Variants in SPATS2L observed in about 807,000 individuals in gnomAD.
SPATS2L encodes spermatogenesis associated serine rich 2 like, also known as SPATS2-like protein.
A neutral mutation model predicts 59.6 loss-of-function variants in SPATS2L; 30 were observed. The observed-to-expected ratio is 0.50, with a 90% CI of 0.38 to 0.68. SPATS2L has a LOEUF of 0.68. Among genes scored for constraint, SPATS2L ranks in the 30% least tolerant of loss-of-function variants. SPATS2L has a pLI of 0.00. For missense variants in SPATS2L, 615 were observed against 700.0 expected, an observed-to-expected ratio of 0.88 and a Z score of 1.37; for synonymous variants, 252 against 263.5, an observed-to-expected ratio of 0.96 and a Z score of 0.42.
At chr2:200,353,421 G>A (rs2080806511) in intron 2 of SPATS2L, among the ~76,000 whole-genome samples, 1 of 152,112 alleles carries the variant, frequency 6.6e-6, no homozygotes, top group Admixed American at 6.6e-5. Context: ...ACACACATCT[G>A]CCTAACTATT....
chr2:200,435,775 C>T (rs1194569238), intron 6 of SPATS2L, among the ~76,000 whole-genome samples: 2 of 152,012 alleles, frequency 1.3e-5, no homozygotes, highest in African/African-American at 4.8e-5. Context: ...CCTTGTGTAT[C>T]CTATTAGTGT....
At chr2:200,362,549 G>C (rs1044884866) in intron 2 of SPATS2L, among the ~76,000 whole-genome samples, 1 of 152,190 alleles carries the variant, frequency 6.6e-6, no homozygotes, top group African/African-American at 2.4e-5. Flanking sequence ...CAACTCAGAA[G>C]TTTTGCATAT....
chr2:200,341,260 G>A (rs1014882473), intron 2 of SPATS2L, among the ~76,000 whole-genome samples: 4 of 152,108 alleles, frequency 2.6e-5, no homozygotes, highest in Non-Finnish European at 4.4e-5. Context: ...GGCAGGGCCT[G>A]GATTTGAACC....
intron 6 of SPATS2L, among the ~76,000 whole-genome samples, chr2:200,427,767 A>G (rs2083663342): frequency 6.6e-6 from 1 of 152,146 alleles, no homozygotes; most frequent in Admixed American, 6.5e-5. Context: ...TCTCTGTTCC[A>G]AAGTTATTGT....
At chr2:200,438,674 A>G (rs2084470998) in intron 6 of SPATS2L, among the ~76,000 whole-genome samples, 1 of 152,178 alleles carries the variant, frequency 6.6e-6, no homozygotes, top group Admixed American at 6.6e-5. Flanking sequence ...TTAATTCGGA[A>G]TGAAATATCA....
chr2:200,308,979 G>A, intron 1 of SPATS2L: 1 of 713,012 alleles, frequency 1.4e-6, no homozygotes, highest in Non-Finnish European at 2.6e-6. Context: ...GTGGGCTTGA[G>A]AAGCTGCTCT....
intron 2 of SPATS2L, among the ~76,000 whole-genome samples, chr2:200,377,383 A>AC (rs2081636110): frequency 6.6e-6 from 1 of 152,200 alleles, no homozygotes; most frequent in Admixed American, 6.5e-5. Flanking sequence ...GTGCTTGGTG[A>AC]CAGAGGCACA....
intron 1 of SPATS2L, among the ~76,000 whole-genome samples, chr2:200,312,244 A>G (rs1289431616): frequency 6.6e-6 from 1 of 152,198 alleles, no homozygotes; most frequent in Non-Finnish European, 1.5e-5. Flanking sequence ...ATGCCACTGA[A>G]GGTTGACACT....
intron 2 of SPATS2L, among the ~76,000 whole-genome samples, chr2:200,387,064 T>C (rs1422434010): frequency 1.3e-5 from 2 of 152,240 alleles, no homozygotes; most frequent in Admixed American, 6.5e-5. Flanking sequence ...GTTCTTGTAC[T>C]TCACACATCA....
intron 8 of SPATS2L, among the ~76,000 whole-genome samples, chr2:200,447,287 A>G (rs1404979507): frequency 1.3e-5 from 2 of 152,226 alleles, no homozygotes; most frequent in Non-Finnish European, 2.9e-5. Context: ...CATATCTGGC[A>G]TATATCCAAC....
At chr2:200,357,076 T>G (rs2080940945) in intron 2 of SPATS2L, among the ~76,000 whole-genome samples, 1 of 152,210 alleles carries the variant, frequency 6.6e-6, no homozygotes, top group Non-Finnish European at 1.5e-5. Context: ...CTTTCAAGGA[T>G]CTAGATAAAC....
At chr2:200,320,568 A>G (rs1024202860) in intron 1 of SPATS2L, among the ~76,000 whole-genome samples, 9 of 152,230 alleles carry the variant, frequency 5.9e-5, no homozygotes, top group African/African-American at 2.2e-4. Flanking sequence ...AGGCTGAGGC[A>G]TGTCCTAACA....
intron 7 of SPATS2L, among the ~76,000 whole-genome samples, chr2:200,440,161 C>T (rs1236981478): frequency 1.3e-5 from 2 of 152,236 alleles, no homozygotes; most frequent in African/African-American, 4.8e-5. Flanking sequence ...GCTCTAATTA[C>T]AGGCCTGGCT....
intron 8 of SPATS2L, among the ~76,000 whole-genome samples, chr2:200,442,044 A>G (rs976656505): frequency 6.6e-6 from 1 of 152,178 alleles, no homozygotes; most frequent in Admixed American, 6.5e-5. Flanking sequence ...TCCTTCAGTT[A>G]TCATTCAGCC....
At chr2:200,414,184 T>G (rs1007850074) in intron 4 of SPATS2L, among the ~76,000 whole-genome samples, 1 of 152,172 alleles carries the variant, frequency 6.6e-6, no homozygotes, top group South Asian at 2.1e-4. Context: ...ACTGATGGAC[T>G]GTCATCAAAT....
intron 4 of SPATS2L, among the ~76,000 whole-genome samples, chr2:200,415,348 A>G (rs1403046694): frequency 6.6e-6 from 1 of 152,192 alleles, no homozygotes; most frequent in Non-Finnish European, 1.5e-5. Context: ...GACCCTACTA[A>G]TTTGAAATTT....
intron 2 of SPATS2L, among the ~76,000 whole-genome samples, chr2:200,373,998 A>G (rs1475993330): frequency 6.6e-6 from 1 of 152,304 alleles, no homozygotes; most frequent in East Asian, 1.9e-4. Context: ...AAACAAGGAT[A>G]TTACCTCTAG....
At chr2:200,333,941 T>C (rs2080048489) in intron 2 of SPATS2L, among the ~76,000 whole-genome samples, 1 of 152,180 alleles carries the variant, frequency 6.6e-6, no homozygotes, top group Admixed American at 6.5e-5. Flanking sequence ...TTTGCTATTG[T>C]GAATAGTGCC....
intron 2 of SPATS2L, chr2:200,351,044 T>C (rs1043108597): frequency 3.0e-6 from 1 of 334,554 alleles, no homozygotes; most frequent in African/African-American, 2.1e-5. Flanking sequence ...ACAAATCTTC[T>C]CAGGTTTTGT....
Sources: allele counts gnomAD v4.1 joint callset (sites outside exome capture counted in the v4.1 genomes callset), GRCh38; gene constraint gnomAD v4.1.1; transcripts MANE v1.5; gene names NCBI Gene and HGNC (gene_info 2026-07-23, HGNC 2026-07-21).